The following GUCA1C variants were observed in gnomAD, a reference collection of about 807,000 sequenced individuals.
GUCA1C encodes guanylyl cyclase-activating protein 3.
A neutral mutation model predicts 16.2 loss-of-function variants in GUCA1C; 15 were observed. The observed-to-expected ratio is 0.93, with a 90% CI of 0.62 to 1.43. The LOEUF (loss-of-function observed/expected upper bound fraction) is 1.43. GUCA1C is among the 40% of genes most tolerant of loss of function. GUCA1C has a pLI of 0.00. For missense variants in GUCA1C, 275 were observed against 244.8 expected, an observed-to-expected ratio of 1.12 and a Z score of -0.82; for synonymous variants, 78 against 85.4, an observed-to-expected ratio of 0.91 and a Z score of 0.48.
intron 1 of GUCA1C, among the ~76,000 whole-genome samples, chr3:108,932,329 A>C (rs1341782408): frequency 8.6e-6 from 1 of 116,884 alleles, no homozygotes; most frequent in African/African-American, 3.9e-5. Flanking sequence ...CCACCAAAAA[A>C]AAAAAAAAAA....
At chr3:108,937,104 G>A (rs1285276955) in intron 1 of GUCA1C, among the ~76,000 whole-genome samples, 1 of 152,150 alleles carries the variant, frequency 6.6e-6, no homozygotes, top group African/African-American at 2.4e-5. Context: ...GGCCTGACGT[G>A]TTCATCCTTG....
At chr3:108,950,521 A>G (rs1323965117) in intron 1 of GUCA1C, among the ~76,000 whole-genome samples, 2 of 152,192 alleles carry the variant, frequency 1.3e-5, no homozygotes, top group African/African-American at 4.8e-5. Flanking sequence ...AACAGTGTGT[A>G]AGGTCTCTCT....
chr3:108,953,809 T>A lies in GUCA1C; in HGVS notation c.-47A>T, dbSNP rs377117090. On this transcript the variant is annotated 5_prime_UTR_variant, in exon 1 of 4. Coordinates refer to ENST00000261047, the MANE Select transcript of GUCA1C (RefSeq NM_005459.4). ...TTTCCTCAGGTTGTTTTCACTTAAGTTTTTGCTGGATTTAGTCCCTTACTC... is the reference window on the plus strand; with the variant it reads ...TTTCCTCAGGTTGTTTTCACTTAAGATTTTGCTGGATTTAGTCCCTTACTC... 8 of 1,415,740 alleles carry A rather than the reference T, an allele frequency of 5.7e-6. No homozygotes were observed. In the African/African-American group the frequency reaches 8.5e-5, roughly 15 times the overall value. 87.7% of individuals were successfully genotyped at this position (1,415,740 alleles called of 1,614,324 possible).
intron 3 of GUCA1C, chr3:108,915,790 C>T (rs1946503777): frequency 5.9e-6 from 2 of 339,928 alleles, no homozygotes; most frequent in Non-Finnish European, 1.1e-5. Context: ...GGAGAGTTTT[C>T]CTCTCCAGTG....
intron 1 of GUCA1C, among the ~76,000 whole-genome samples, chr3:108,950,701 A>G (rs1294065208): frequency 1.3e-5 from 2 of 152,216 alleles, no homozygotes; most frequent in African/African-American, 4.8e-5. Flanking sequence ...CTTAGCTTGA[A>G]TACAATCCAA....
Position 108,907,797 on chromosome 3 carries a change from T to C in GUCA1C, c.*225A>G. On this transcript the variant is annotated 3_prime_UTR_variant, in exon 4 of 4. Transcript: ENST00000261047. ...GATAGGTATGGAGACAATCCTTTAG[T>C]GTAATCATTATGTTTTAATCTGCAG... 2.0e-6 allele frequency: 1 copy of C among 488,458 alleles called. No homozygotes were observed. The highest frequency in any genetic ancestry group is 3.6e-6 in the Non-Finnish European group (1 of 276,896). The allele number at this position is 488,458 out of a possible 1,614,324, so 30.3% of individuals were successfully genotyped here. A position where few individuals can be genotyped will look rare whatever the true frequency, so the allele number is the denominator to read the frequency against.
intron 1 of GUCA1C, among the ~76,000 whole-genome samples, chr3:108,923,813 A>G (rs1272704754): frequency 6.6e-6 from 1 of 152,122 alleles, no homozygotes; most frequent in Non-Finnish European, 1.5e-5. Context: ...TGTTTGTGTC[A>G]TCAATGATTT....
At chr3:108,938,898 A>G (rs548685751) in intron 1 of GUCA1C, among the ~76,000 whole-genome samples, 4 of 152,336 alleles carry the variant, frequency 2.6e-5, no homozygotes, top group African/African-American at 9.6e-5. Flanking sequence ...AGAAAGCCCT[A>G]GCCATCTGCC....
rs1028693252 is a variant in GUCA1C at position 108,908,133 on chromosome 3, G to A, written c.519C>T (p.Phe173=). Residue 173 remains phenylalanine, a synonymous_variant, in exon 4 of 4, where the codon TTC becomes TTT. Coordinates refer to ENST00000261047, the MANE Select transcript of GUCA1C (RefSeq NM_005459.4). ...QDLLEIVYKS[F]DFSNVLRVIC... ...TTACTCTCAGCACATTGGAGAAGTCGAAGCTCTTGTAAACAATCTCCAGGA... is the reference window on the plus strand; with the variant it reads ...TTACTCTCAGCACATTGGAGAAGTCAAAGCTCTTGTAAACAATCTCCAGGA... 2.5e-6 allele frequency: 4 copies of A among 1,613,508 alleles called. No homozygotes were observed. The highest frequency in any genetic ancestry group is 1.1e-5 in the South Asian group (1 of 91,050).
intron 1 of GUCA1C, among the ~76,000 whole-genome samples, chr3:108,923,753 T>C (rs1946592561): frequency 6.6e-6 from 1 of 152,228 alleles, no homozygotes. Flanking sequence ...CTATGGTCAT[T>C]TTCACAATAT....
intron 1 of GUCA1C, among the ~76,000 whole-genome samples, chr3:108,937,688 T>C (rs1946739584): frequency 2.0e-5 from 3 of 152,148 alleles, no homozygotes; most frequent in Admixed American, 6.5e-5. Context: ...TTTGCACACA[T>C]GAGGCCTACA....
chr3:108,912,103 C>CAATAATAAT lies in GUCA1C; in HGVS notation c.443-3903_443-3895dup, dbSNP rs144187451. 1.6e-3 allele frequency among the ~76,000 whole-genome samples: 201 copies of CAATAATAAT among 125,684 alleles called. 2 individuals are homozygous for CAATAATAAT. The highest frequency in any genetic ancestry group is 0.012 in the South Asian group (43 of 3,722). 82.5% of individuals were successfully genotyped at this position (125,684 alleles called of 152,430 possible). ...CTGGTGACAGAGAGAGACTCCGTCTCAATAATAATAATAATAATAATCACC... is the reference window on the plus strand; with the variant it reads ...CTGGTGACAGAGAGAGACTCCGTCTCAATAATAATAATAATAATAATAATAATAATCACC... On this transcript the variant is annotated intron_variant, in intron 3 of 3. Transcript: ENST00000261047.
In GUCA1C at chr3:108,929,059, C is replaced by T. The variant is rs948968615; in HGVS notation, c.205-8474G>A. 1.8e-4 allele frequency among the ~76,000 whole-genome samples: 27 copies of T among 152,308 alleles called. 1 individual carries two copies. The highest frequency in any genetic ancestry group is 1.5e-3 in the Admixed American group (23 of 15,296). On this transcript the variant is annotated intron_variant, in intron 1 of 3. Transcript: ENST00000261047. ...GACACCTTGACAATACTGAGTCTCC[C>T]TTTCCATGAATATAGAATCTCTCTC...
At chr3:108,949,519 A>G (rs1946876006) in intron 1 of GUCA1C, among the ~76,000 whole-genome samples, 1 of 152,188 alleles carries the variant, frequency 6.6e-6, no homozygotes, top group African/African-American at 2.4e-5. Flanking sequence ...TGGTAGTCTA[A>G]GCCCAGGCAG....
At chr3:108,919,174 T>C (rs907916893) in intron 2 of GUCA1C, among the ~76,000 whole-genome samples, 1 of 152,164 alleles carries the variant, frequency 6.6e-6, no homozygotes, top group Non-Finnish European at 1.5e-5. Flanking sequence ...GGTATCTAAT[T>C]ATTAAATTTC....
chr3:108,910,511 A>G (rs1006239221), intron 3 of GUCA1C, among the ~76,000 whole-genome samples: 4 of 151,732 alleles, frequency 2.6e-5, no homozygotes, highest in Non-Finnish European at 5.9e-5. Context: ...AAAAAAAGGC[A>G]AAGATTCTAC....
chr3:108,910,306 G>A (rs1235220615), intron 3 of GUCA1C, among the ~76,000 whole-genome samples: 1 of 152,028 alleles, frequency 6.6e-6, no homozygotes, highest in Non-Finnish European at 1.5e-5. Flanking sequence ...AGACCAGTCT[G>A]GCCAACATAG....
chr3:108,923,707 T>C (rs1296658030), intron 1 of GUCA1C, among the ~76,000 whole-genome samples: 1 of 152,166 alleles, frequency 6.6e-6, no homozygotes, highest in Non-Finnish European at 1.5e-5. Flanking sequence ...GGTATTTTGA[T>C]GGGAGTTGCG....
Position 108,908,207 on chromosome 3 carries a change from C to A in GUCA1C, c.445G>T (p.Glu149Ter). The A allele has an allele frequency of 2.5e-6, 4 of 1,606,948 alleles. No individual in the cohort carries two copies. The highest frequency in any genetic ancestry group is 3.4e-6 in the Non-Finnish European group (4 of 1,173,810). ...TTGATAAATTCTTCTAAAGTCAATT[C>A]CCCTGGAAAATAATAAACAGTTAAT... ...FHKIDINNDG[E>*]LTLEEFINGM... The change falls in exon 4 of 4, where the codon GAA becomes TAA. Residue 149 changes from glutamate (E) to a stop codon, truncating the protein, a stop_gained and splice_region_variant. Transcript: ENST00000261047. LOFTEE classifies it low-confidence loss of function (END_TRUNC).
Sources: allele counts gnomAD v4.1 joint callset (sites outside exome capture counted in the v4.1 genomes callset), GRCh38; gene constraint gnomAD v4.1.1; transcripts MANE v1.5; gene names NCBI Gene and HGNC (gene_info 2026-07-23, HGNC 2026-07-21).